The following ADARB2 variants were observed in gnomAD, a reference collection of about 807,000 sequenced individuals.
The protein encoded by ADARB2 is adenosine deaminase RNA specific B2 (inactive).
In ADARB2, 25 loss-of-function variants were observed where a neutral mutation model predicts 62.2. The observed-to-expected ratio is 0.40, with a 90% CI of 0.29 to 0.56. The LOEUF (loss-of-function observed/expected upper bound fraction) is 0.56. ADARB2 is among the 20% of genes least tolerant of loss of function. The probability of loss-of-function intolerance (pLI) is 0.43; values close to 1 mark genes in which losing one functional copy is unlikely to be tolerated. For missense variants in ADARB2, 1,071 were observed against 1,077.4 expected (o/e 0.99, Z 0.08); for synonymous variants, 572 against 500.8 (o/e 1.14, Z -1.90).
chr10:1,447,517 G>T (rs1830985971), intron 1 of ADARB2, among the ~76,000 whole-genome samples: 1 of 152,070 alleles, frequency 6.6e-6, no homozygotes, highest in Non-Finnish European at 1.5e-5. Context: ...TACAGCTTCT[G>T]CATTTTTGAG....
chr10:1,222,436 A>T (rs1422006009), intron 6 of ADARB2, among the ~76,000 whole-genome samples: 1 of 151,492 alleles, frequency 6.6e-6, no homozygotes, highest in Non-Finnish European at 1.5e-5. Flanking sequence ...CCCATTTGTC[A>T]ATCTTGGCTT....
intron 7 of ADARB2, chr10:1,215,620 C>T (rs1837222997): frequency 6.6e-6 from 1 of 152,216 alleles, no homozygotes; most frequent in South Asian, 2.1e-4. Flanking sequence ...ACATTTGCAC[C>T]AAATGCGCTG....
chr10:1,668,776 G>A (rs969367142), intron 1 of ADARB2, among the ~76,000 whole-genome samples: 7 of 152,218 alleles, frequency 4.6e-5, no homozygotes, highest in African/African-American at 1.7e-4. Context: ...TTAATGGAAG[G>A]AGAAGGGCAT....
At chr10:1,475,828 G>C (rs1167826359) in intron 1 of ADARB2, among the ~76,000 whole-genome samples, 2 of 152,114 alleles carry the variant, frequency 1.3e-5, no homozygotes, top group Non-Finnish European at 2.9e-5. Context: ...AGGATGCAAA[G>C]GCCACCGGCA....
intron 1 of ADARB2, among the ~76,000 whole-genome samples, chr10:1,574,117 G>A (rs956165451): frequency 2.0e-5 from 3 of 152,218 alleles, no homozygotes; most frequent in Non-Finnish European, 4.4e-5. Flanking sequence ...AATCATGGAA[G>A]GTGGCGTCCT....
chr10:1,574,956 TCAGGGGCTGAGTTGA>T lies in ADARB2; in HGVS notation c.100+162080_100+162094del. ...TGCCAGGAGATCCAGGGGCAGCGAT[TCAGGGGCTGAGTTGA>T]CAGAAAAACAGAAGTCAAAAGAGAA... On this transcript the variant is annotated intron_variant, in intron 1 of 9. Transcript: ENST00000381312. Among the ~76,000 whole-genome samples the T allele has an allele frequency of 9.4e-5, 3 of 32,040 alleles. No individual in the cohort carries two copies. The South Asian group carries it at 2.5e-3, about 26-fold the overall frequency. The allele number at this position is 32,040 out of a possible 152,430, so 21.0% of individuals were successfully genotyped here.
chr10:1,364,615 G>A (rs1433651645), intron 2 of ADARB2, among the ~76,000 whole-genome samples: 1 of 152,232 alleles, frequency 6.6e-6, no homozygotes, highest in Non-Finnish European at 1.5e-5. Context: ...ACTACGGAAC[G>A]TGTACAGACA....
intron 3 of ADARB2, among the ~76,000 whole-genome samples, chr10:1,307,753 A>G (rs1831643690): frequency 1.1e-5 from 1 of 87,438 alleles, no homozygotes; most frequent in Non-Finnish European, 2.4e-5. Context: ...TGCAGCCATG[A>G]AAAATGACGA....
chr10:1,288,023 C>T (rs976886392), intron 3 of ADARB2, among the ~76,000 whole-genome samples: 1 of 152,242 alleles, frequency 6.6e-6, no homozygotes, highest in Non-Finnish European at 1.5e-5. Flanking sequence ...GGTGGGCCCC[C>T]ACCCCAAAGC....
intron 1 of ADARB2, among the ~76,000 whole-genome samples, chr10:1,678,655 C>T (rs759304971): frequency 6.6e-6 from 1 of 152,122 alleles, no homozygotes; most frequent in East Asian, 1.9e-4. Context: ...AGCAAGCTGC[C>T]GTAGTTCACA....
At chr10:1,646,929 G>A (rs1834050757) in intron 1 of ADARB2, among the ~76,000 whole-genome samples, 2 of 152,234 alleles carry the variant, frequency 1.3e-5, no homozygotes, top group South Asian at 4.1e-4. Context: ...AGTTCCTCTG[G>A]ATCCTAGAAA....
intron 1 of ADARB2, among the ~76,000 whole-genome samples, chr10:1,673,342 G>A (rs950640041): frequency 6.8e-6 from 1 of 147,652 alleles, no homozygotes; most frequent in Non-Finnish European, 1.5e-5. Flanking sequence ...GTGTGTGTGT[G>A]TATGTGTGTG....
intron 1 of ADARB2, among the ~76,000 whole-genome samples, chr10:1,679,799 G>A (rs1049077282): frequency 1.3e-5 from 2 of 152,212 alleles, no homozygotes; most frequent in African/African-American, 2.4e-5. Flanking sequence ...GCTCAACACG[G>A]AAACTGAGTG....
chr10:1,501,419 C>T (rs2063941), intron 1 of ADARB2, among the ~76,000 whole-genome samples: 1 of 151,914 alleles, frequency 6.6e-6, no homozygotes, highest in African/African-American at 2.4e-5. Flanking sequence ...TATCAGAAGC[C>T]CTCAGGGAGT....
At chr10:1,435,362 G>A (rs917837283) in intron 1 of ADARB2, among the ~76,000 whole-genome samples, 2 of 152,212 alleles carry the variant, frequency 1.3e-5, no homozygotes, top group African/African-American at 2.4e-5. Context: ...GGTGGAGAAA[G>A]CTTGTTAAAG....
intron 1 of ADARB2, among the ~76,000 whole-genome samples, chr10:1,486,764 T>C (rs972588081): frequency 6.6e-6 from 1 of 152,168 alleles, no homozygotes; most frequent in Non-Finnish European, 1.5e-5. Flanking sequence ...GACTCATTGC[T>C]ACCACATGGG....
intron 1 of ADARB2, among the ~76,000 whole-genome samples, chr10:1,380,305 G>A (rs1205037203): frequency 1.3e-5 from 2 of 152,264 alleles, no homozygotes; most frequent in African/African-American, 4.8e-5. Flanking sequence ...AAGTTCCAGG[G>A]CACTGGCTGT....
At position 1,398,758 on chromosome 10, in the gene ADARB2, C is replaced by T. The variant is rs1457702083; in HGVS notation, c.101-19598G>A. On this transcript the variant is annotated intron_variant, in intron 1 of 9. Transcript: ENST00000381312. This position sits in a 1 kb window ranked among gnomAD's most constrained non-coding sequence, Gnocchi z 4.1. ...CCCTCAAATTACCCAGCTCTCGGCTCTGCGTGGATTGGCGTGCCCGTTTAC... is the reference window on the plus strand; with the variant it reads ...CCCTCAAATTACCCAGCTCTCGGCTTTGCGTGGATTGGCGTGCCCGTTTAC... Among the ~76,000 whole-genome samples the T allele has an allele frequency of 6.6e-6, 1 of 152,200 alleles. No individual in the cohort carries two copies. Among genetic ancestry groups the T allele is most frequent in the Admixed American group, 6.5e-5 (1 of 15,284 alleles).
chr10:1,212,592 G>A (rs1373763158), intron 7 of ADARB2, among the ~76,000 whole-genome samples: 1 of 152,228 alleles, frequency 6.6e-6, no homozygotes, highest in Non-Finnish European at 1.5e-5. Flanking sequence ...GCCCCCGAGG[G>A]CCACTGAGTG....
Sources: allele counts gnomAD v4.1 joint callset (sites outside exome capture counted in the v4.1 genomes callset), GRCh38; gene constraint gnomAD v4.1.1; non-coding constraint Gnocchi (gnomAD v3.1); transcripts MANE v1.5; gene names NCBI Gene and HGNC (gene_info 2026-07-23, HGNC 2026-07-21).